The following OR1J2 variants were observed in gnomAD, a reference collection of about 807,000 sequenced individuals.
OR1J2 encodes the protein olfactory receptor 1J2.
For missense variants in OR1J2, 304 were observed against 246.1 expected (o/e 1.24, Z -1.57); for synonymous variants, 142 against 99.7 (o/e 1.42, Z -2.52).
the OR1J2 span, among the ~76,000 whole-genome samples, chr9:122,550,861 A>G: frequency 6.6e-6 from 1 of 152,018 alleles, no homozygotes; most frequent in South Asian, 2.1e-4. Flanking sequence ...GACCACTTTC[A>G]TCACTCCTAT....
At chr9:122,549,635 A>G in the OR1J2 span, among the ~76,000 whole-genome samples, 1 of 152,034 alleles carries the variant, frequency 6.6e-6, no homozygotes, top group Non-Finnish European at 1.5e-5. Context: ...TCCCCAGTGT[A>G]TGTTTTTGTT....
chr9:122,529,952 CT>C, the OR1J2 span, among the ~76,000 whole-genome samples: 2 of 152,194 alleles, frequency 1.3e-5, no homozygotes, highest in Non-Finnish European at 2.9e-5. Context: ...AGGGGAAGAG[CT>C]CAGATTCTTC....
the OR1J2 span, among the ~76,000 whole-genome samples, chr9:122,572,146 C>T: frequency 2.0e-5 from 3 of 152,170 alleles, no homozygotes; most frequent in East Asian, 1.9e-4. Flanking sequence ...TAACATGATA[C>T]TAGCACCAGT....
At chr9:122,499,852 AG>A in the OR1J2 span, among the ~76,000 whole-genome samples, 2 of 152,120 alleles carry the variant, frequency 1.3e-5, no homozygotes, top group African/African-American at 4.8e-5. Flanking sequence ...CCACGATCTC[AG>A]GGGAGCAGGG....
chr9:122,558,734 G>T, the OR1J2 span, among the ~76,000 whole-genome samples: 1 of 151,578 alleles, frequency 6.6e-6, no homozygotes, highest in Non-Finnish European at 1.5e-5. Flanking sequence ...ATACAAATTT[G>T]TCCTTTAAGA....
downstream of OR1J2, among the ~76,000 whole-genome samples, chr9:122,516,326 C>T (rs1218719578): frequency 1.2e-4 from 12 of 100,254 alleles, no homozygotes; most frequent in Admixed American, 6.6e-4. Flanking sequence ...TTTTTTGAGA[C>T]GGAGTCTCGC....
chr9:122,532,599 A>C, the OR1J2 span, among the ~76,000 whole-genome samples: 4 of 144,920 alleles, frequency 2.8e-5, 1 homozygote, highest in Non-Finnish European at 6.0e-5. Context: ...GCTGCGGAGC[A>C]GACTGTATAT....
chr9:122,468,217 A>G, the OR1J2 span, among the ~76,000 whole-genome samples: 1 of 152,230 alleles, frequency 6.6e-6, no homozygotes, highest in Non-Finnish European at 1.5e-5. Flanking sequence ...TGCAGTGAGT[A>G]AAAACTCAGG....
At chr9:122,458,341 G>C in the OR1J2 span, among the ~76,000 whole-genome samples, 1 of 152,216 alleles carries the variant, frequency 6.6e-6, no homozygotes, top group Non-Finnish European at 1.5e-5. Flanking sequence ...GTTGAATTGT[G>C]GTGTGCTAAA....
At chr9:122,450,758 C>G in the OR1J2 span, among the ~76,000 whole-genome samples, 1 of 152,136 alleles carries the variant, frequency 6.6e-6, no homozygotes, top group South Asian at 2.1e-4. Flanking sequence ...GTCCATTCCC[C>G]CATCCCCCTC....
the OR1J2 span, among the ~76,000 whole-genome samples, chr9:122,563,818 C>A: frequency 6.6e-6 from 1 of 152,230 alleles, no homozygotes; most frequent in African/African-American, 2.4e-5. Flanking sequence ...TCTAGTTATT[C>A]TTTTGCATAC....
the OR1J2 span, among the ~76,000 whole-genome samples, chr9:122,555,650 G>T: frequency 6.6e-6 from 1 of 152,166 alleles, no homozygotes; most frequent in Non-Finnish European, 1.5e-5. Flanking sequence ...AGTTGTAGAG[G>T]GTAGCAAGTT....
the OR1J2 span, among the ~76,000 whole-genome samples, chr9:122,463,756 G>C: frequency 6.6e-6 from 1 of 152,168 alleles, no homozygotes; most frequent in Non-Finnish European, 1.5e-5. Context: ...GGGAGTGTCT[G>C]CAGAATCCTG....
chr9:122,469,932 C>T, the OR1J2 span, among the ~76,000 whole-genome samples: 4 of 152,110 alleles, frequency 2.6e-5, no homozygotes, highest in African/African-American at 9.7e-5. Flanking sequence ...CAGCAAAGCA[C>T]TCAAGAGGTG....
chr9:122,527,788 T>C, the OR1J2 span, among the ~76,000 whole-genome samples: 1 of 152,226 alleles, frequency 6.6e-6, no homozygotes, highest in South Asian at 2.1e-4. Context: ...AGTCCTGCAT[T>C]TCTCCCTGCA....
At chr9:122,532,958 A>G in the OR1J2 span, among the ~76,000 whole-genome samples, 11 of 152,050 alleles carry the variant, frequency 7.2e-5, no homozygotes, top group Non-Finnish European at 1.6e-4. Context: ...ACAGATGAGG[A>G]TGAAATTTGG....
the OR1J2 span, among the ~76,000 whole-genome samples, chr9:122,552,676 A>G: frequency 0.71 from 108,050 of 151,454 alleles, 39,378 homozygotes; most frequent in East Asian, 0.99. Flanking sequence ...TCAAATTCTC[A>G]GCACTGAAAG....
chr9:122,559,622 T>C, the OR1J2 span, among the ~76,000 whole-genome samples: 7,424 of 152,302 alleles, frequency 0.049, 260 homozygotes, highest in Non-Finnish European at 0.075. Context: ...AGTTTCCATG[T>C]AGTTGTGTGT....
At chr9:122,566,153 C>G in the OR1J2 span, among the ~76,000 whole-genome samples, 1 of 152,182 alleles carries the variant, frequency 6.6e-6, no homozygotes, top group African/African-American at 2.4e-5. Flanking sequence ...ATGCTGCATC[C>G]TATCAAATTA....
Sources: allele counts gnomAD v4.1 joint callset (sites outside exome capture counted in the v4.1 genomes callset), GRCh38; gene constraint gnomAD v4.1.1; transcripts MANE v1.5; gene names NCBI Gene and HGNC (gene_info 2026-07-23, HGNC 2026-07-21).